ADAM29: variants seen among roughly 807,000 people sequenced by gnomAD.
ADAM29 encodes ADAM metallopeptidase domain 29.
For missense variants in ADAM29, 969 were observed against 1,001.8 expected (o/e 0.97, Z 0.44); for synonymous variants, 367 against 342.3 (o/e 1.07, Z -0.80).
At position 174,977,544 on chromosome 4, in the gene ADAM29, A is replaced by G; in HGVS notation, c.2019A>G (p.Lys673=). The change falls in exon 5 of 5, where the codon AAA becomes AAG. Residue 673 remains lysine, a synonymous_variant. Coordinates refer to ENST00000359240, the MANE Select transcript of ADAM29 (RefSeq NM_014269.4). ...DSGPPPKRKK[K]KKFCYLCILL... The stretch of plus-strand genomic sequence containing the variant: ...GCCCACCCCCTAAGAGAAAGAAGAA[A>G]AAGAAGTTCTGTTATCTGTGTATAT... 6.2e-7 allele frequency: 1 copy of G among 1,614,166 alleles called. No individual in the cohort carries two copies.
chr4:174,962,399 C>T (rs1443777686), intron 4 of ADAM29, among the ~76,000 whole-genome samples: 1 of 151,634 alleles, frequency 6.6e-6, no homozygotes, highest in Non-Finnish European at 1.5e-5. Flanking sequence ...GTAGTCCCAG[C>T]TACTCGGGAG....
intron 4 of ADAM29, among the ~76,000 whole-genome samples, chr4:174,942,413 A>G (rs1744589799): frequency 6.6e-6 from 1 of 152,138 alleles, no homozygotes; most frequent in Non-Finnish European, 1.5e-5. Flanking sequence ...TCCATACATC[A>G]TTTGAAATCT....
intron 3 of ADAM29, among the ~76,000 whole-genome samples, chr4:174,932,458 C>T (rs773355692): frequency 7.2e-5 from 11 of 152,190 alleles, no homozygotes; most frequent in Middle Eastern, 3.4e-3. Flanking sequence ...TCTGTATCCT[C>T]ACATGGTAGC....
rs113123839 is a variant in ADAM29 at position 174,966,107 on chromosome 4, A to G, written c.-180-9239A>G. Among the ~76,000 whole-genome samples, 583 of 152,350 alleles carry G rather than the reference A, an allele frequency of 3.8e-3. 5 individuals are homozygous for G. Among genetic ancestry groups the G allele is most frequent in the Middle Eastern group, 0.017 (5 of 294 alleles). ...TTAAATCATCTCTAGATTACTTATA[A>G]TACCTAACACAATGTAAGTGCTGTG... On this transcript the variant is annotated intron_variant, in intron 4 of 4. Transcript: ENST00000359240.
At chr4:174,937,525 T>G (rs186434227) in intron 4 of ADAM29, among the ~76,000 whole-genome samples, 7 of 152,080 alleles carry the variant, frequency 4.6e-5, no homozygotes, top group Admixed American at 3.3e-4. Context: ...CCAGGCCATC[T>G]CTCCCATTTC....
chr4:174,948,461 G>T (rs990282266), intron 4 of ADAM29, among the ~76,000 whole-genome samples: 1 of 152,126 alleles, frequency 6.6e-6, no homozygotes, highest in African/African-American at 2.4e-5. Flanking sequence ...TGGGATGAGT[G>T]CTCTAACTCT....
At chr4:174,948,936 T>A (rs1745007904) in intron 4 of ADAM29, among the ~76,000 whole-genome samples, 1 of 151,666 alleles carries the variant, frequency 6.6e-6, no homozygotes, top group African/African-American at 2.4e-5. Context: ...GCTGGCAAAG[T>A]GGTAAGGGGG....
At chr4:174,921,151 A>G (rs1743140064) in intron 2 of ADAM29, among the ~76,000 whole-genome samples, 1 of 152,210 alleles carries the variant, frequency 6.6e-6, no homozygotes, top group Admixed American at 6.5e-5. Flanking sequence ...TATAAACAAA[A>G]TTTATAAACA....
intron 3 of ADAM29, among the ~76,000 whole-genome samples, chr4:174,936,731 T>TTGAA (rs1441281195): frequency 4.6e-5 from 7 of 151,962 alleles, no homozygotes; most frequent in African/African-American, 1.7e-4. Flanking sequence ...GTTCATGTCA[T>TTGAA]GTCACCAAAA....
At chr4:174,919,838 A>T (rs1743069716) in intron 1 of ADAM29, among the ~76,000 whole-genome samples, 1 of 152,200 alleles carries the variant, frequency 6.6e-6, no homozygotes, top group Admixed American at 6.5e-5. Flanking sequence ...CTCAAGTGAC[A>T]TTTATCATAT....
intron 2 of ADAM29, among the ~76,000 whole-genome samples, chr4:174,926,596 T>A (rs1485596009): frequency 1.3e-5 from 2 of 151,780 alleles, no homozygotes; most frequent in Non-Finnish European, 2.9e-5. Flanking sequence ...AGACTCCATC[T>A]TAATAAATAC....
intron 4 of ADAM29, among the ~76,000 whole-genome samples, chr4:174,951,625 AT>A (rs1243158670): frequency 2.6e-5 from 4 of 152,186 alleles, no homozygotes; most frequent in Non-Finnish European, 5.9e-5. Flanking sequence ...CATTTACTTT[AT>A]ATATCAAGAA....
At chr4:174,952,271 G>A (rs1045889183) in intron 4 of ADAM29, among the ~76,000 whole-genome samples, 15 of 151,586 alleles carry the variant, frequency 9.9e-5, no homozygotes, top group Admixed American at 7.9e-4. Context: ...TAGCTGCTGC[G>A]ATGATGGCTG....
chr4:174,975,940 C>G lies in ADAM29; in HGVS notation c.415C>G (p.Leu139Val). Reference sequence around the variant, plus strand: ...TGACTTTGCTTATGAAATCAAGCCCCTAGCATTTTCTACCACGTTTGAACA... The same window carrying G: ...TGACTTTGCTTATGAAATCAAGCCCGTAGCATTTTCTACCACGTTTGAACA... The part of the protein sequence containing the change: ...INDFAYEIKP[L>V]AFSTTFEHLV... Residue 139 changes from leucine to valine, a missense_variant, in exon 5 of 5, where the codon CTA (leucine) becomes GTA (valine). Transcript: ENST00000359240. 1.2e-6 allele frequency: 2 copies of G among 1,614,032 alleles called. No individual in the cohort carries two copies.
intron 2 of ADAM29, among the ~76,000 whole-genome samples, chr4:174,923,077 A>G (rs543537277): frequency 2.6e-5 from 4 of 151,930 alleles, no homozygotes; most frequent in Non-Finnish European, 5.9e-5. Context: ...TTTTTTTGAG[A>G]TGCAGTCTCA....
intron 4 of ADAM29, among the ~76,000 whole-genome samples, chr4:174,944,530 A>G (rs1391958731): frequency 6.6e-6 from 1 of 151,634 alleles, no homozygotes; most frequent in African/African-American, 2.4e-5. Flanking sequence ...ATTTTTTTTT[A>G]ATTAAACTTT....
rs115756627 is a variant in ADAM29 at position 174,921,011 on chromosome 4, A to G, written c.-451+219A>G. On this transcript the variant is annotated intron_variant, in intron 2 of 4. Coordinates refer to ENST00000359240, the MANE Select transcript of ADAM29 (RefSeq NM_014269.4). The stretch of plus-strand genomic sequence containing the variant: ...TTCTCACCAAGATCTCTAACCCACA[A>G]CACTCAGAGACTACATCTTTGAAGA... Among the ~76,000 whole-genome samples, 1,179 of 152,290 alleles carry G rather than the reference A, an allele frequency of 7.7e-3. 12 individuals carry two copies. The highest frequency in any genetic ancestry group is 0.024 in the African/African-American group (1,003 of 41,568).
chr4:174,953,714 T>C (rs1249746612), intron 4 of ADAM29, among the ~76,000 whole-genome samples: 1 of 152,064 alleles, frequency 6.6e-6, no homozygotes, highest in Non-Finnish European at 1.5e-5. Flanking sequence ...CTTTTTTTTA[T>C]TATTATTTTT....
At chr4:174,937,901 AG>A in intron 4 of ADAM29, among the ~76,000 whole-genome samples, 1 of 152,252 alleles carries the variant, frequency 6.6e-6, no homozygotes, top group Non-Finnish European at 1.5e-5. Context: ...GAGTGAAAGA[AG>A]CAAGTGATAC....
Sources: gnomAD v4.1 joint callset for allele counts (sites outside exome capture counted in the v4.1 genomes callset) on GRCh38, gnomAD v4.1.1 for gene constraint, MANE v1.5 for transcripts, NCBI Gene and HGNC (gene_info 2026-07-23, HGNC 2026-07-21) for gene names.